The following SMYD3 variants were observed in gnomAD, a reference collection of about 807,000 sequenced individuals.
SMYD3 encodes the protein histone-lysine N-methyltransferase SMYD3.
In SMYD3, 36 loss-of-function variants were observed where a neutral mutation model predicts 57.7. That is an observed-to-expected ratio of 0.62 (90% CI 0.48 to 0.82). The LOEUF (loss-of-function observed/expected upper bound fraction) is 0.82. Ranked by LOEUF, SMYD3 falls within the 40% of genes least tolerant of loss-of-function variation. The pLI is 0.00. For synonymous variants in SMYD3, 211 were observed against 195.0 expected, an observed-to-expected ratio of 1.08 and a Z score of -0.68; for missense variants, 515 against 538.8, an observed-to-expected ratio of 0.96 and a Z score of 0.44.
At chr1:246,347,642 C>A (rs2065745966) in intron 2 of SMYD3, among the ~76,000 whole-genome samples, 1 of 152,118 alleles carries the variant, frequency 6.6e-6, no homozygotes, top group Admixed American at 6.5e-5. Flanking sequence ...GGTGACTCAG[C>A]CATGAAGGCT....
intron 5 of SMYD3, among the ~76,000 whole-genome samples, chr1:246,186,531 C>A (rs143406685): frequency 2.2e-4 from 33 of 152,184 alleles, no homozygotes; most frequent in African/African-American, 7.9e-4. Flanking sequence ...CACAAGTACT[C>A]TGAAACCAGA....
chr1:246,367,966 G>C (rs896838638), intron 1 of SMYD3, among the ~76,000 whole-genome samples: 1 of 152,168 alleles, frequency 6.6e-6, no homozygotes, highest in Non-Finnish European at 1.5e-5. Context: ...AGAGAACGGA[G>C]TGTCATATCA....
intron 3 of SMYD3, among the ~76,000 whole-genome samples, chr1:246,334,649 C>A (rs7530204): frequency 6.6e-6 from 1 of 151,950 alleles, no homozygotes; most frequent in East Asian, 1.9e-4. Flanking sequence ...TCCATCATAC[C>A]CCAAACCTCA....
intron 8 of SMYD3, among the ~76,000 whole-genome samples, chr1:245,869,898 A>G (rs2052086537): frequency 6.6e-6 from 1 of 152,032 alleles, no homozygotes; most frequent in Non-Finnish European, 1.5e-5. Context: ...GCTGTACTCT[A>G]TCAGGAAACC....
At chr1:245,900,748 A>C (rs1312062892) in intron 8 of SMYD3, among the ~76,000 whole-genome samples, 1 of 152,222 alleles carries the variant, frequency 6.6e-6, no homozygotes, top group African/African-American at 2.4e-5. Flanking sequence ...ATCATCATTC[A>C]TTCACTCAAG....
chr1:246,281,628 T>G (rs887814100), intron 5 of SMYD3, among the ~76,000 whole-genome samples: 1 of 152,238 alleles, frequency 6.6e-6, no homozygotes, highest in Non-Finnish European at 1.5e-5. Flanking sequence ...AGGCACATAG[T>G]AGGCACTCTA....
At chr1:246,066,424 A>G (rs1051419675) in intron 5 of SMYD3, among the ~76,000 whole-genome samples, 33 of 151,952 alleles carry the variant, frequency 2.2e-4, no homozygotes, top group African/African-American at 7.8e-4. Flanking sequence ...AATATTTTTT[A>G]CATTACAATT....
At chr1:245,794,758 A>T (rs1318505983) in intron 10 of SMYD3, among the ~76,000 whole-genome samples, 1 of 152,046 alleles carries the variant, frequency 6.6e-6, no homozygotes, top group Non-Finnish European at 1.5e-5. Flanking sequence ...ACTATCTCTT[A>T]ATTCAATGTA....
chr1:246,132,393 A>G (rs2061602175), intron 5 of SMYD3, among the ~76,000 whole-genome samples: 1 of 152,138 alleles, frequency 6.6e-6, no homozygotes, highest in African/African-American at 2.4e-5. Flanking sequence ...AGACCATTCA[A>G]TGGAGGAAAG....
At chr1:245,850,966 G>A (rs771398709) in intron 10 of SMYD3, among the ~76,000 whole-genome samples, 2 of 115,522 alleles carry the variant, frequency 1.7e-5, no homozygotes, top group Middle Eastern at 9.1e-3. Flanking sequence ...AGCTAAACAG[G>A]GGTTTAGCCA....
intron 10 of SMYD3, among the ~76,000 whole-genome samples, chr1:245,774,851 C>G (rs1001406692): frequency 3.3e-5 from 5 of 152,198 alleles, no homozygotes; most frequent in Non-Finnish European, 7.3e-5. Flanking sequence ...CAGGGGTGCA[C>G]CGCCACGCCT....
chr1:245,945,236 A>G (rs2057392847), intron 5 of SMYD3, among the ~76,000 whole-genome samples: 1 of 152,222 alleles, frequency 6.6e-6, no homozygotes, highest in Non-Finnish European at 1.5e-5. Flanking sequence ...TCCATCTAAC[A>G]ATGGTCTAAT....
chr1:246,259,930 A>C (rs1248046240), intron 5 of SMYD3, among the ~76,000 whole-genome samples: 2 of 152,204 alleles, frequency 1.3e-5, no homozygotes, highest in African/African-American at 4.8e-5. Flanking sequence ...GGGATGCCCT[A>C]AACTCCAAAT....
intron 5 of SMYD3, among the ~76,000 whole-genome samples, chr1:246,314,398 T>C (rs2065124751): frequency 1.3e-5 from 2 of 152,186 alleles, no homozygotes; most frequent in Admixed American, 6.5e-5. Context: ...CTCTGTCTCT[T>C]TTACTTAAAT....
intron 5 of SMYD3, among the ~76,000 whole-genome samples, chr1:246,105,773 A>C (rs2061106964): frequency 6.6e-6 from 1 of 152,200 alleles, no homozygotes; most frequent in African/African-American, 2.4e-5. Flanking sequence ...GGTGGAAAGT[A>C]ATGGGCTTTC....
intron 5 of SMYD3, chr1:246,111,497 G>A (rs1246844834): frequency 6.6e-6 from 1 of 152,160 alleles, no homozygotes; most frequent in Non-Finnish European, 1.5e-5. Context: ...CTCTACTTCT[G>A]GATATCCTTG....
intron 5 of SMYD3, among the ~76,000 whole-genome samples, chr1:246,239,898 G>A (rs1020184394): frequency 1.5e-4 from 23 of 152,280 alleles, no homozygotes; most frequent in African/African-American, 4.8e-4. Flanking sequence ...CTTTTGAGAA[G>A]CGTCTGTTCA....
intron 1 of SMYD3, among the ~76,000 whole-genome samples, chr1:246,440,121 T>C (rs1572503262): frequency 2.0e-5 from 3 of 152,250 alleles, no homozygotes; most frequent in South Asian, 4.1e-4. Context: ...AGTGAGGACT[T>C]ACTCTACATG....
chr1:246,154,700 G>GT (rs1187920699), intron 5 of SMYD3, among the ~76,000 whole-genome samples: 4 of 151,902 alleles, frequency 2.6e-5, no homozygotes, highest in Non-Finnish European at 5.9e-5. Flanking sequence ...CCCACACTTA[G>GT]TTAATGTGTT....
Sources: allele counts gnomAD v4.1 joint callset (sites outside exome capture counted in the v4.1 genomes callset), GRCh38; gene constraint gnomAD v4.1.1; transcripts MANE v1.5; gene names NCBI Gene and HGNC (gene_info 2026-07-23, HGNC 2026-07-21).